The following CASK variants were observed in gnomAD, a reference collection of about 807,000 sequenced individuals.
CASK encodes the protein calcium/calmodulin dependent serine protein kinase.
Under a neutral mutation model 82.9 loss-of-function variants are expected in CASK, and 4 were observed. That is an observed-to-expected ratio of 0.05 (90% confidence interval 0.02 to 0.11). The LOEUF (loss-of-function observed/expected upper bound fraction) is 0.11, where lower values mean the gene tolerates loss of function less well. CASK is among the 10% of genes least tolerant of loss of function. The pLI is 1.00. For synonymous variants in CASK, 259 were observed against 253.5 expected (o/e 1.02, Z -0.20); for missense variants, 358 against 720.9 (o/e 0.50, Z 5.76).
chrX:41,914,972 C>A (rs1373133921), intron 1 of CASK, among the ~76,000 whole-genome samples: 1 of 111,938 alleles, frequency 8.9e-6, no homozygotes, highest in Non-Finnish European at 1.9e-5. Context: ...ACATAATATT[C>A]ATTTTGATAA....
At chrX:41,871,076 G>A (rs1601925503) in intron 1 of CASK, among the ~76,000 whole-genome samples, 1 of 111,637 alleles carries the variant, frequency 9.0e-6, no homozygotes, top group East Asian at 2.8e-4. Context: ...CCTCATTCAA[G>A]TTGTTGGCAG....
intron 2 of CASK, among the ~76,000 whole-genome samples, chrX:41,834,643 C>T (rs1270510652): frequency 9.0e-6 from 1 of 111,222 alleles, no homozygotes; most frequent in Non-Finnish European, 1.9e-5. Context: ...ACTCATAGAT[C>T]TTATGGTGAG....
At chrX:41,715,849 C>T (rs1268985459) in intron 5 of CASK, among the ~76,000 whole-genome samples, 2 of 112,048 alleles carry the variant, frequency 1.8e-5, no homozygotes, top group Non-Finnish European at 3.8e-5. Context: ...ACAGACATTG[C>T]CCATGGCTGT....
At chrX:41,642,159 G>T (rs1340222973) in intron 8 of CASK, among the ~76,000 whole-genome samples, 1 of 111,111 alleles carries the variant, frequency 9.0e-6, no homozygotes, top group Non-Finnish European at 1.9e-5. Context: ...TGGACATTTG[G>T]GTTGGTTCCA....
At chrX:41,679,691 T>C (rs1295442151) in intron 5 of CASK, among the ~76,000 whole-genome samples, 1 of 111,844 alleles carries the variant, frequency 8.9e-6, no homozygotes, top group Non-Finnish European at 1.9e-5. Flanking sequence ...AATCAGTTGC[T>C]GCCTTTACAA....
intron 9 of CASK, among the ~76,000 whole-genome samples, chrX:41,630,967 T>C (rs1286572686): frequency 2.7e-5 from 3 of 111,991 alleles, no homozygotes; most frequent in East Asian, 5.6e-4. Flanking sequence ...TGTCTCCATA[T>C]AGCCAAAACC....
intron 1 of CASK, 47 bp downstream of exon 1, chrX:41,922,883 C>T: frequency 8.6e-7 from 1 of 1,164,413 alleles, no homozygotes; most frequent in Non-Finnish European, 1.2e-6. Flanking sequence ...CGGGGCATCA[C>T]TGAAATGCAT....
chrX:41,677,648 G>A (rs1431156959), intron 5 of CASK, among the ~76,000 whole-genome samples: 1 of 111,971 alleles, frequency 8.9e-6, no homozygotes, highest in Admixed American at 9.4e-5. Context: ...ATGATGTAGT[G>A]ACAGTAAATA....
chrX:41,832,997 G>C (rs1023464494), intron 2 of CASK, among the ~76,000 whole-genome samples: 13 of 111,869 alleles, frequency 1.2e-4, no homozygotes, highest in Non-Finnish European at 2.3e-4. Flanking sequence ...ACTCATTTAT[G>C]GTATGAGAGC....
rs1177477369 is a variant in CASK, at chrX:41,585,091, T to C, written c.1314+1816A>G. On this transcript the variant is annotated intron_variant, in intron 14 of 26. Coordinates refer to ENST00000378163, the MANE Select transcript of CASK (RefSeq NM_001367721.1). ...CAGGCCAGCAAGCATTAGAATGTTA[T>C]GCAGGTGAATACAAACAAGTGGAAA... is the stretch of plus-strand genomic sequence containing the variant. 2.7e-5 allele frequency: 3 copies of C among 112,311 alleles called. No individual in the cohort carries two copies. In the East Asian group the frequency reaches 8.4e-4, roughly 31 times the overall value. The allele number at this position is 112,311 out of a possible 1,213,427, so 9.3% of individuals were successfully genotyped here. A position where few individuals can be genotyped will look rare whatever the true frequency, so the allele number is the denominator to read the frequency against.
At chrX:41,594,010 G>T (rs1422617262) in intron 12 of CASK, among the ~76,000 whole-genome samples, 1 of 111,721 alleles carries the variant, frequency 9.0e-6, no homozygotes, top group Non-Finnish European at 1.9e-5. Context: ...ACTGCAGCTT[G>T]TCTTTCTTAC....
intron 8 of CASK, among the ~76,000 whole-genome samples, chrX:41,651,868 T>C (rs1186097419): frequency 9.0e-6 from 1 of 111,323 alleles, no homozygotes; most frequent in Non-Finnish European, 1.9e-5. Context: ...GAGCCAAAAA[T>C]CCCTAGACTT....
At chrX:41,708,073 G>C (rs986378559) in intron 5 of CASK, among the ~76,000 whole-genome samples, 3 of 102,577 alleles carry the variant, frequency 2.9e-5, no homozygotes, top group South Asian at 4.7e-4. Context: ...AGCCGAGATC[G>C]CGCCACTGCA....
intron 8 of CASK, among the ~76,000 whole-genome samples, chrX:41,658,216 A>G (rs892223924): frequency 1.8e-5 from 2 of 111,966 alleles, no homozygotes; most frequent in African/African-American, 6.5e-5. Context: ...ACCGGTAAAC[A>G]TAAGTAAATG....
chrX:41,861,927 AT>A (rs1364036969), intron 1 of CASK, among the ~76,000 whole-genome samples: 10 of 102,997 alleles, frequency 9.7e-5, no homozygotes, highest in Non-Finnish European at 1.8e-4. Context: ...ATATGTATAT[AT>A]ACTATATATA....
chrX:41,817,060 G>T (rs1245638984), intron 2 of CASK, among the ~76,000 whole-genome samples: 1 of 111,730 alleles, frequency 9.0e-6, no homozygotes, highest in Non-Finnish European at 1.9e-5. Context: ...GCAGTTTTTA[G>T]AATACAGGTT....
At chrX:41,654,767 G>T (rs1285294513) in intron 8 of CASK, among the ~76,000 whole-genome samples, 1 of 112,119 alleles carries the variant, frequency 8.9e-6, no homozygotes, top group Non-Finnish European at 1.9e-5. Flanking sequence ...ATCAAAGGTT[G>T]GTAGGGAGCT....
At chrX:41,727,914 T>C in intron 5 of CASK, 2 of 1,201,883 alleles carry the variant, frequency 1.7e-6, no homozygotes, top group Non-Finnish European at 2.3e-6. Context: ...TTCTCACCTG[T>C]CTTGCTTCGG....
chrX:41,769,220 G>T (rs1173896853), intron 3 of CASK, among the ~76,000 whole-genome samples: 2 of 93,983 alleles, frequency 2.1e-5, no homozygotes, highest in Non-Finnish European at 4.2e-5. Context: ...TTTTGAGACA[G>T]AGTCTCACTC....
Sources: allele counts gnomAD v4.1 joint callset (sites outside exome capture counted in the v4.1 genomes callset), GRCh38; gene constraint gnomAD v4.1.1; transcripts MANE v1.5; gene names NCBI Gene and HGNC (gene_info 2026-07-23, HGNC 2026-07-21).